Variants in UGGT1 observed in about 807,000 individuals in gnomAD.
UGGT1 encodes the protein UDP-glucose glycoprotein glucosyltransferase 1.
A neutral mutation model predicts 203.9 loss-of-function variants in UGGT1; 107 were observed. That is an observed-to-expected ratio of 0.52 (90% CI 0.45 to 0.62). The LOEUF is 0.62. UGGT1 is among the 20% of genes least tolerant of loss of function. The probability of loss-of-function intolerance (pLI) is 0.00; values close to 1 mark genes in which losing one functional copy is unlikely to be tolerated. For missense variants in UGGT1, 1,673 were observed against 1,867.2 expected, an observed-to-expected ratio of 0.90 and a Z score of 1.92; for synonymous variants, 628 against 653.5, an observed-to-expected ratio of 0.96 and a Z score of 0.59.
intron 3 of UGGT1, among the ~76,000 whole-genome samples, chr2:128,104,328 C>T (rs1687509096): frequency 6.6e-6 from 1 of 152,234 alleles, no homozygotes; most frequent in South Asian, 2.1e-4. Context: ...GTATTAATAA[C>T]CATCTAATCT....
chr2:128,151,342 T>C (rs1573578593), intron 18 of UGGT1: 1 of 508,630 alleles, frequency 2.0e-6, no homozygotes, highest in East Asian at 3.8e-5. Flanking sequence ...CTGCCACGCC[T>C]TCCCCAGGCC....
intron 1 of UGGT1, among the ~76,000 whole-genome samples, chr2:128,093,316 A>G (rs1303056377): frequency 6.6e-6 from 1 of 152,222 alleles, no homozygotes; most frequent in East Asian, 1.9e-4. Context: ...TCTTGGTGCC[A>G]CACTCCTTTC....
At chr2:128,122,617 A>G (rs1688435146) in intron 10 of UGGT1, among the ~76,000 whole-genome samples, 1 of 152,312 alleles carries the variant, frequency 6.6e-6, no homozygotes, top group East Asian at 1.9e-4. Context: ...CATAAATGCA[A>G]GGCAAAATTG....
Position 128,171,191 on chromosome 2 carries a change from G to C in UGGT1, c.3025-14G>C, listed in dbSNP as rs962531562. 1.9e-6 allele frequency: 3 copies of C among 1,600,354 alleles called. No individual in the cohort carries two copies. Among genetic ancestry groups the C allele is most frequent in the African/African-American group, 2.7e-5 (2 of 74,162 alleles). ...AAAAATCCTAAATATTTTGTCATCT[G>C]GTTTTCCTTCTAGGTTTTGGCTCAG... On this transcript the variant is annotated splice_polypyrimidine_tract_variant and intron_variant, in intron 27 of 40. Coordinates refer to ENST00000259253, the MANE Select transcript of UGGT1 (RefSeq NM_020120.4).
Position 128,114,765 on chromosome 2 carries a change from T to C in UGGT1, c.697-359T>C, listed in dbSNP as rs575499108. Reference sequence around the variant, plus strand: ...CAGCTGTCCATTCATCTGGTTTTGCTTCTACCTTGGAATTCCATTCCCACA... The same window carrying C: ...CAGCTGTCCATTCATCTGGTTTTGCCTCTACCTTGGAATTCCATTCCCACA... On this transcript the variant is annotated intron_variant, in intron 6 of 40. Coordinates refer to ENST00000259253, the MANE Select transcript of UGGT1 (RefSeq NM_020120.4). Among the ~76,000 whole-genome samples the C allele has an allele frequency of 2.6e-5, 4 of 152,322 alleles. No homozygotes were observed. In the East Asian group the frequency reaches 7.7e-4, roughly 29 times the overall value.
intron 1 of UGGT1, among the ~76,000 whole-genome samples, chr2:128,094,395 C>T (rs920611128): frequency 3.3e-5 from 5 of 152,116 alleles, no homozygotes; most frequent in African/African-American, 1.2e-4. Flanking sequence ...TTTTTTCTTA[C>T]GATAAAATGT....
chr2:128,175,280 G>A (rs1039774943), intron 31 of UGGT1, among the ~76,000 whole-genome samples: 11 of 152,246 alleles, frequency 7.2e-5, no homozygotes, highest in Admixed American at 7.2e-4. Flanking sequence ...TGGTCTTGAA[G>A]CTGTGCTGTT....
At chr2:128,154,567 A>G (rs1358334203) in intron 19 of UGGT1, among the ~76,000 whole-genome samples, 1 of 152,116 alleles carries the variant, frequency 6.6e-6, no homozygotes, top group East Asian at 1.9e-4. Flanking sequence ...TAAAATTTTT[A>G]ATTTTATACT....
chr2:128,091,498 A>G (rs1221938480), intron 1 of UGGT1, 83 bp downstream of exon 1: 1 of 1,512,352 alleles, frequency 6.6e-7, no homozygotes, highest in East Asian at 2.6e-5. Flanking sequence ...TGTCACATTG[A>G]GCTTCCGCCT....
chr2:128,163,389 T>C (rs2104753029), intron 25 of UGGT1, among the ~76,000 whole-genome samples: 1 of 151,968 alleles, frequency 6.6e-6, no homozygotes, highest in South Asian at 2.1e-4. Context: ...TTTTTTTTTT[T>C]TTCAGGTTTA....
chr2:128,147,783 G>A (rs1689760515), intron 18 of UGGT1, among the ~76,000 whole-genome samples: 1 of 151,746 alleles, frequency 6.6e-6, no homozygotes, highest in African/African-American at 2.4e-5. Flanking sequence ...GCTAATTTTT[G>A]TATCTTTTTG....
In UGGT1 at chr2:128,180,950, T is replaced by A; in HGVS notation, c.3961T>A (p.Trp1321Arg). 1 of 1,614,230 alleles carries A rather than the reference T, an allele frequency of 6.2e-7. No individual in the cohort carries two copies. Among genetic ancestry groups the A allele is most frequent in the South Asian group, 1.1e-5 (1 of 91,082 alleles). ...NFQYELVQYK[W>R]PRWLHQQTEK... ...CCAGTATGAGCTTGTTCAGTACAAA[T>A]GGCCCCGGTGGCTTCATCAACAAAC... Residue 1321 changes from tryptophan (W) to arginine (R), a missense_variant, in exon 36 of 41, where the codon TGG (tryptophan) becomes AGG (arginine). Physicochemically the swap from Trp to Arg is moderately radical, Grantham distance 101 (BLOSUM62 -3). Coordinates refer to ENST00000259253, the MANE Select transcript of UGGT1 (RefSeq NM_020120.4).
At chr2:128,161,535 G>T (rs1690529197) in intron 25 of UGGT1, among the ~76,000 whole-genome samples, 1 of 152,116 alleles carries the variant, frequency 6.6e-6, no homozygotes, top group Admixed American at 6.5e-5. Context: ...TCAAATATAT[G>T]CAGAAGTAAA....
At position 128,133,227 on chromosome 2, in the gene UGGT1, T is replaced by C; in HGVS notation, c.1464T>C (p.Val488=). 1.2e-6 allele frequency: 2 copies of C among 1,614,020 alleles called. No individual in the cohort carries two copies. The highest frequency in any genetic ancestry group is 1.7e-6 in the Non-Finnish European group (2 of 1,179,930). Residue 488 remains valine (V), a synonymous_variant, in exon 14 of 41, where the codon GTT becomes GTC. Coordinates refer to ENST00000259253, the MANE Select transcript of UGGT1 (RefSeq NM_020120.4). Reference sequence around the variant, plus strand: ...TGCTTCGACCCACCTTTCCTGGTGTTATTCGGCAGATCAGGAAAAACTTAC... The same window carrying C: ...TGCTTCGACCCACCTTTCCTGGTGTCATTCGGCAGATCAGGAAAAACTTAC... The part of the protein sequence containing the change: ...QELLRPTFPG[V]IRQIRKNLHN...
intron 13 of UGGT1, among the ~76,000 whole-genome samples, chr2:128,130,746 TG>T (rs1229623502): frequency 6.6e-6 from 1 of 152,198 alleles, no homozygotes; most frequent in Non-Finnish European, 1.5e-5. Flanking sequence ...TGCATTCCCT[TG>T]TCCCTTATTT....
intron 18 of UGGT1, among the ~76,000 whole-genome samples, chr2:128,150,668 C>CTTCT (rs1553440946): frequency 9.5e-5 from 13 of 136,698 alleles, no homozygotes; most frequent in Admixed American, 2.2e-4. Context: ...TAATTAATAA[C>CTTCT]TTTTTTTTTT....
chr2:128,121,235 C>T lies in UGGT1; in HGVS notation c.1010C>T (p.Ser337Phe). 1 of 1,613,798 alleles carries T rather than the reference C, an allele frequency of 6.2e-7. No homozygotes were observed. Among genetic ancestry groups the T allele is most frequent in the Non-Finnish European group, 8.5e-7 (1 of 1,179,956 alleles). ...CAGACTGCTGCTCGAATCTTGGCTTCTCCTGTTGAGTTGGCTTTGGTTGTC... is the reference window on the plus strand; with the variant it reads ...CAGACTGCTGCTCGAATCTTGGCTTTTCCTGTTGAGTTGGCTTTGGTTGTC... ...SFQTAARILA[S>F]PVELALVVMK... The change falls in exon 10 of 41, where the codon TCT becomes TTT. Residue 337 changes from serine (S) to phenylalanine (F), a missense_variant. Transcript: ENST00000259253.
intron 25 of UGGT1, among the ~76,000 whole-genome samples, chr2:128,162,031 G>T (rs370531983): frequency 1.3e-5 from 2 of 152,024 alleles, no homozygotes; most frequent in African/African-American, 2.4e-5. Context: ...TTTCTGGGGG[G>T]TTTTTTGTTT....
chr2:128,107,857 C>A, intron 3 of UGGT1, 81 bp from the exon 4 acceptor site: 1 of 1,577,974 alleles, frequency 6.3e-7, no homozygotes, highest in South Asian at 1.2e-5. Context: ...TTTGTAAACA[C>A]AGCTTTGTGC....
Sources: gnomAD v4.1 joint callset for allele counts (sites outside exome capture counted in the v4.1 genomes callset) on GRCh38, gnomAD v4.1.1 for gene constraint, MANE v1.5 for transcripts, NCBI Gene and HGNC (gene_info 2026-07-23, HGNC 2026-07-21) for gene names.